The following IL1RAPL2 variants were observed in gnomAD, a reference collection of about 807,000 sequenced individuals.
IL1RAPL2 encodes the protein X-linked interleukin-1 receptor accessory protein-like 2.
In IL1RAPL2, 3 loss-of-function variants were observed where a neutral mutation model predicts 44.1. The observed-to-expected ratio is 0.07, with a 90% CI of 0.03 to 0.18. IL1RAPL2 has a LOEUF of 0.18. IL1RAPL2 is among the 10% of genes least tolerant of loss of function. The pLI, the probability that IL1RAPL2 is intolerant of heterozygous loss-of-function variation, is 1.00. For synonymous variants in IL1RAPL2, 181 were observed against 178.8 expected, an observed-to-expected ratio of 1.01 and a Z score of -0.10; for missense variants, 391 against 496.4, an observed-to-expected ratio of 0.79 and a Z score of 2.02.
At chrX:105,385,003 G>T (rs1358602645) in intron 5 of IL1RAPL2, among the ~76,000 whole-genome samples, 5 of 110,986 alleles carry the variant, frequency 4.5e-5, no homozygotes, top group Non-Finnish European at 9.5e-5. Context: ...AGATTTTTTG[G>T]TAGAGTCTTT....
At chrX:105,481,571 T>C (rs1192897922) in intron 5 of IL1RAPL2, among the ~76,000 whole-genome samples, 1 of 112,398 alleles carries the variant, frequency 8.9e-6, no homozygotes, top group Non-Finnish European at 1.9e-5. Flanking sequence ...GATTGTCATT[T>C]CCATACATGA....
At chrX:104,585,336 T>TAA (rs1393736732) in intron 1 of IL1RAPL2, among the ~76,000 whole-genome samples, 2 of 17,650 alleles carry the variant, frequency 1.1e-4, no homozygotes, top group African/African-American at 1.0e-3. Flanking sequence ...ATAATATATA[T>TAA]TATATATTAT....
At chrX:105,257,472 T>G (rs181633710) in intron 4 of IL1RAPL2, among the ~76,000 whole-genome samples, 1 of 111,579 alleles carries the variant, frequency 9.0e-6, no homozygotes. Flanking sequence ...CAATGTTAAG[T>G]TCGGGTCTTG....
chrX:105,321,161 G>T (rs1458965000), intron 5 of IL1RAPL2, among the ~76,000 whole-genome samples: 1 of 111,569 alleles, frequency 9.0e-6, no homozygotes, highest in Non-Finnish European at 1.9e-5. Context: ...AGAATCAGAG[G>T]TATACATTTA....
chrX:104,713,145 TAGTC>T (rs1470725380), intron 2 of IL1RAPL2, among the ~76,000 whole-genome samples: 3 of 110,497 alleles, frequency 2.7e-5, no homozygotes, highest in Non-Finnish European at 1.9e-5. Context: ...TATCTTTAAT[TAGTC>T]AGTGACGAAA....
chrX:104,780,145 G>C (rs1932762875), intron 2 of IL1RAPL2, among the ~76,000 whole-genome samples: 1 of 111,358 alleles, frequency 9.0e-6, no homozygotes, highest in African/African-American at 3.3e-5. Context: ...TTCAGGTAGG[G>C]ATATATAGGT....
chrX:105,018,500 T>C (rs748597779), intron 2 of IL1RAPL2, among the ~76,000 whole-genome samples: 2 of 111,103 alleles, frequency 1.8e-5, no homozygotes, highest in Non-Finnish European at 3.8e-5. Flanking sequence ...TAAATAGTGG[T>C]TTCAGTATTT....
At chrX:104,680,550 A>G (rs1299310849) in intron 2 of IL1RAPL2, among the ~76,000 whole-genome samples, 1 of 111,507 alleles carries the variant, frequency 9.0e-6, no homozygotes, top group African/African-American at 3.3e-5. Context: ...ATTTTTAAAC[A>G]TAGAGCCCGA....
intron 6 of IL1RAPL2, among the ~76,000 whole-genome samples, chrX:105,501,393 G>A (rs2036393837): frequency 9.0e-6 from 1 of 111,374 alleles, no homozygotes. Context: ...AGAGGCTGAA[G>A]TGGGCAGATT....
At chrX:104,627,409 C>A (rs1357106127) in intron 1 of IL1RAPL2, among the ~76,000 whole-genome samples, 3 of 107,592 alleles carry the variant, frequency 2.8e-5, no homozygotes, top group African/African-American at 1.0e-4. Flanking sequence ...GTGCAGCACA[C>A]CAACATGGCA....
At chrX:104,848,019 C>A (rs1922104970) in intron 2 of IL1RAPL2, among the ~76,000 whole-genome samples, 1 of 110,139 alleles carries the variant, frequency 9.1e-6, no homozygotes, top group South Asian at 3.9e-4. Flanking sequence ...TATAAGAATG[C>A]TTGTGATTTT....
At chrX:105,176,410 A>G (rs1362583063) in intron 2 of IL1RAPL2, among the ~76,000 whole-genome samples, 4 of 110,869 alleles carry the variant, frequency 3.6e-5, no homozygotes, top group Non-Finnish European at 7.6e-5. Context: ...CAGCTTGGCC[A>G]TGGGTGATGC....
chrX:105,272,116 ACT>A (rs1206596795), intron 5 of IL1RAPL2, among the ~76,000 whole-genome samples: 1 of 74,035 alleles, frequency 1.4e-5, no homozygotes, highest in Non-Finnish European at 2.4e-5. Context: ...GGAATATCAC[ACT>A]CTGGGGACTG....
At chrX:104,967,162 G>A (rs373573604) in intron 2 of IL1RAPL2, among the ~76,000 whole-genome samples, 29 of 111,760 alleles carry the variant, frequency 2.6e-4, no homozygotes, top group East Asian at 2.8e-4. Context: ...GTATTATGCC[G>A]TAAAGCAACT....
At chrX:105,673,620 A>G (rs1220392069) in intron 6 of IL1RAPL2, among the ~76,000 whole-genome samples, 2 of 112,112 alleles carry the variant, frequency 1.8e-5, no homozygotes, top group African/African-American at 6.5e-5. Context: ...ATAGTGCTGC[A>G]ATGAACATAC....
chrX:105,407,721 G>A (rs190469111), intron 5 of IL1RAPL2, among the ~76,000 whole-genome samples: 3 of 111,791 alleles, frequency 2.7e-5, no homozygotes, highest in East Asian at 2.8e-4. Flanking sequence ...AGACATCGTT[G>A]TACTTCACTG....
chrX:105,328,707 T>C (rs1217469240), intron 5 of IL1RAPL2, among the ~76,000 whole-genome samples: 1 of 112,045 alleles, frequency 8.9e-6, no homozygotes, highest in Non-Finnish European at 1.9e-5. Flanking sequence ...ATGGACTACG[T>C]GTATGATGGT....
At chrX:104,898,244 A>T (rs1264238088) in intron 2 of IL1RAPL2, among the ~76,000 whole-genome samples, 1 of 111,644 alleles carries the variant, frequency 9.0e-6, no homozygotes. Context: ...CAATAGTGGG[A>T]TAGCATTAAT....
intron 2 of IL1RAPL2, among the ~76,000 whole-genome samples, chrX:105,076,861 G>C: frequency 9.0e-6 from 1 of 110,785 alleles, no homozygotes; most frequent in East Asian, 2.9e-4. Context: ...GACTAGGATT[G>C]CAACCCCTGC....
Sources: gnomAD v4.1 joint callset for allele counts (sites outside exome capture counted in the v4.1 genomes callset) on GRCh38, gnomAD v4.1.1 for gene constraint, MANE v1.5 for transcripts, NCBI Gene and HGNC (gene_info 2026-07-23, HGNC 2026-07-21) for gene names.